The following ERBB4 variants were observed in gnomAD, a reference collection of about 807,000 sequenced individuals.
ERBB4 encodes the protein receptor tyrosine-protein kinase erbB-4.
In ERBB4, 42 loss-of-function variants were observed where a neutral mutation model predicts 158.0. The observed-to-expected ratio is 0.27, with a 90% CI of 0.21 to 0.34. The LOEUF is 0.34. ERBB4 is among the 10% of genes least tolerant of loss of function. The probability of loss-of-function intolerance (pLI) is 1.00; values close to 1 mark genes in which losing one functional copy is unlikely to be tolerated. For synonymous variants in ERBB4, 583 were observed against 558.7 expected (o/e 1.04, Z -0.61); for missense variants, 1,333 against 1,624.1 (o/e 0.82, Z 3.08).
chr2:211,418,317 G>GTT (rs1395267192), intron 25 of ERBB4, among the ~76,000 whole-genome samples: 2 of 152,116 alleles, frequency 1.3e-5, no homozygotes, highest in Middle Eastern at 3.2e-3. Flanking sequence ...TTCCGTAAAA[G>GTT]TTACGTAAAG....
chr2:212,201,601 T>A (rs1034157098), intron 1 of ERBB4, among the ~76,000 whole-genome samples: 1 of 152,210 alleles, frequency 6.6e-6, no homozygotes, highest in Non-Finnish European at 1.5e-5. Context: ...TGTCAAAATA[T>A]TTCCTTCATT....
At chr2:211,573,749 A>G (rs1250802225) in intron 19 of ERBB4, among the ~76,000 whole-genome samples, 1 of 152,184 alleles carries the variant, frequency 6.6e-6, no homozygotes, top group East Asian at 1.9e-4. Flanking sequence ...AATTACAATT[A>G]CTGTATTCTT....
intron 2 of ERBB4, among the ~76,000 whole-genome samples, chr2:212,001,618 T>C (rs2076107572): frequency 6.6e-6 from 1 of 152,222 alleles, no homozygotes; most frequent in South Asian, 2.1e-4. Context: ...GTGTACAGCA[T>C]AGCTTGAATG....
At chr2:212,057,986 C>A (rs1156967385) in intron 2 of ERBB4, among the ~76,000 whole-genome samples, 1 of 151,652 alleles carries the variant, frequency 6.6e-6, no homozygotes, top group East Asian at 1.9e-4. Context: ...ATCAATGAAT[C>A]CAGGAGCTGG....
chr2:211,722,645 C>T (rs1046932540), intron 6 of ERBB4, 111 bp from the exon 7 acceptor site: 5 of 1,141,820 alleles, frequency 4.4e-6, no homozygotes, highest in Non-Finnish European at 5.1e-6. Flanking sequence ...ACAAATATTA[C>T]AAAATTTGAT....
chr2:212,377,901 T>A (rs1011025283), intron 1 of ERBB4, among the ~76,000 whole-genome samples: 4 of 151,972 alleles, frequency 2.6e-5, no homozygotes, highest in Non-Finnish European at 4.4e-5. Context: ...ATTGTACAGC[T>A]GTACAAAAAT....
chr2:211,703,485 A>T (rs973924061), intron 11 of ERBB4, among the ~76,000 whole-genome samples: 1 of 152,218 alleles, frequency 6.6e-6, no homozygotes, highest in Non-Finnish European at 1.5e-5. Flanking sequence ...AAATTTAAAA[A>T]ATTCTTATGC....
In ERBB4 at chr2:211,976,057, A is replaced by G. The variant is rs150758751; in HGVS notation, c.235-28441T>C. On this transcript the variant is annotated intron_variant, in intron 2 of 27. Coordinates refer to ENST00000342788, the MANE Select transcript of ERBB4 (RefSeq NM_005235.3). ...ATTTCATTCTTACTATGTTGCACTA[A>G]TCTGTGGAAATGGGCAGAGAAGTTT... 7.2e-3 allele frequency among the ~76,000 whole-genome samples: 1,093 copies of G among 152,270 alleles called. 14 individuals carry two copies. Among genetic ancestry groups the G allele is most frequent in the African/African-American group, 0.024 (1,003 of 41,574 alleles).
intron 7 of ERBB4, among the ~76,000 whole-genome samples, chr2:211,718,187 C>T (rs913837979): frequency 6.6e-6 from 1 of 152,112 alleles, no homozygotes; most frequent in Non-Finnish European, 1.5e-5. Flanking sequence ...GTTGGGATTA[C>T]AGGCACGAGC....
intron 1 of ERBB4, among the ~76,000 whole-genome samples, chr2:212,416,442 G>T (rs1180462750): frequency 6.6e-6 from 1 of 152,046 alleles, no homozygotes; most frequent in Non-Finnish European, 1.5e-5. Flanking sequence ...AAAGGGGTCA[G>T]ACATGTTTGT....
At chr2:212,489,346 A>C (rs1312666235) in intron 1 of ERBB4, among the ~76,000 whole-genome samples, 1 of 151,960 alleles carries the variant, frequency 6.6e-6, no homozygotes, top group Non-Finnish European at 1.5e-5. Context: ...GGCTCAATTA[A>C]GACTGAAAAC....
chr2:211,649,620 T>C (rs1167946796), intron 16 of ERBB4, among the ~76,000 whole-genome samples: 1 of 151,914 alleles, frequency 6.6e-6, no homozygotes, highest in East Asian at 1.9e-4. Context: ...GTAAATTTTT[T>C]ATGGTAAAAG....
chr2:211,631,938 C>A (rs555354889), intron 16 of ERBB4, among the ~76,000 whole-genome samples: 7 of 152,040 alleles, frequency 4.6e-5, no homozygotes, highest in Non-Finnish European at 1.0e-4. Flanking sequence ...AGAGATAGAT[C>A]AGAAATAGTA....
chr2:211,593,699 G>A (rs1248075735), intron 19 of ERBB4, among the ~76,000 whole-genome samples: 1 of 152,138 alleles, frequency 6.6e-6, no homozygotes, highest in Admixed American at 6.5e-5. Flanking sequence ...CATAGTTAAT[G>A]TTGACCAGAG....
intron 20 of ERBB4, among the ~76,000 whole-genome samples, chr2:211,472,927 A>G (rs2064864328): frequency 6.6e-6 from 1 of 150,784 alleles, no homozygotes; most frequent in African/African-American, 2.4e-5. Context: ...AATGATAATT[A>G]ATATTTATTA....
chr2:211,637,014 G>A (rs2070387768), intron 16 of ERBB4, among the ~76,000 whole-genome samples: 1 of 151,922 alleles, frequency 6.6e-6, no homozygotes, highest in Non-Finnish European at 1.5e-5. Context: ...GAATGTATAT[G>A]TAACTTAAAT....
intron 4 of ERBB4, among the ~76,000 whole-genome samples, chr2:211,757,458 G>T (rs2075310898): frequency 6.6e-6 from 1 of 152,188 alleles, no homozygotes; most frequent in African/African-American, 2.4e-5. Context: ...AATAAGTACG[G>T]TTAACCTTGC....
intron 20 of ERBB4, among the ~76,000 whole-genome samples, chr2:211,494,583 T>C (rs573784008): frequency 2.0e-5 from 3 of 152,270 alleles, no homozygotes; most frequent in Admixed American, 2.0e-4. Context: ...GATATGCTTT[T>C]TGAGGAATCT....
At chr2:212,120,820 A>T (rs1210832743) in intron 2 of ERBB4, among the ~76,000 whole-genome samples, 1 of 152,226 alleles carries the variant, frequency 6.6e-6, no homozygotes, top group African/African-American at 2.4e-5. Flanking sequence ...TTTGGTGCAT[A>T]AATGTAGATG....
Sources: allele counts gnomAD v4.1 joint callset (sites outside exome capture counted in the v4.1 genomes callset), GRCh38; gene constraint gnomAD v4.1.1; transcripts MANE v1.5; gene names NCBI Gene and HGNC (gene_info 2026-07-23, HGNC 2026-07-21).